BZW2: variants seen among roughly 807,000 people sequenced by gnomAD.
BZW2 encodes basic leucine zipper and W2 domains 2.
In BZW2, 23 loss-of-function variants were observed where a neutral mutation model predicts 53.2. The observed-to-expected ratio is 0.43, with a 90% CI of 0.31 to 0.61. The LOEUF is 0.61. BZW2 is among the 20% of genes least tolerant of loss of function. The pLI is 0.09. For missense variants in BZW2, 409 were observed against 503.1 expected (o/e 0.81, Z 1.79); for synonymous variants, 227 against 186.4 (o/e 1.22, Z -1.77).
chr7:16,661,415 G>C (rs1198757289), intron 1 of BZW2: 1 of 152,134 alleles, frequency 6.6e-6, no homozygotes, highest in African/African-American at 2.4e-5. Context: ...CTGTGCCAGT[G>C]TGGCTCATTG....
At chr7:16,685,010 A>G (rs562336500) in intron 5 of BZW2, among the ~76,000 whole-genome samples, 78 of 152,290 alleles carry the variant, frequency 5.1e-4, no homozygotes, top group African/African-American at 1.8e-3. Context: ...ATAATGGAAA[A>G]TCAGCAAGGC....
intron 1 of BZW2, among the ~76,000 whole-genome samples, chr7:16,661,760 A>T (rs1165193788): frequency 6.6e-5 from 10 of 152,038 alleles, no homozygotes; most frequent in Middle Eastern, 3.2e-3. Flanking sequence ...TACAATTTTA[A>T]TATTATTTTA....
Position 16,675,112 on chromosome 7 carries a change from A to G in BZW2, c.235+524A>G, listed in dbSNP as rs73679831. Among the ~76,000 whole-genome samples the G allele has an allele frequency of 2.5e-3, 378 of 152,368 alleles. 2 individuals carry two copies. The highest frequency in any genetic ancestry group is 8.6e-3 in the African/African-American group (356 of 41,592). On this transcript the variant is annotated intron_variant, in intron 3 of 11. Coordinates refer to ENST00000258761, the MANE Select transcript of BZW2 (RefSeq NM_014038.3). ...AAACAAAATAAAAGCTATACCTTAT[A>G]GAACAGAGGCATCAGGAAAGTAGGC...
chr7:16,659,349 TA>T (rs1236887807), intron 1 of BZW2, among the ~76,000 whole-genome samples: 2 of 152,218 alleles, frequency 1.3e-5, no homozygotes, highest in African/African-American at 4.8e-5. Context: ...CAGAGGCTGT[TA>T]CAAAATCATG....
intron 7 of BZW2, 143 bp downstream of exon 7, chr7:16,690,049 T>A: frequency 2.1e-6 from 1 of 469,546 alleles, no homozygotes; most frequent in Non-Finnish European, 3.7e-6. Context: ...TAATTGGTAG[T>A]AGAAGCTAAT....
chr7:16,675,688 A>G (rs1434385627), intron 3 of BZW2, among the ~76,000 whole-genome samples: 1 of 152,206 alleles, frequency 6.6e-6, no homozygotes, highest in Non-Finnish European at 1.5e-5. Context: ...TATGACTGTA[A>G]ATAATTCAAG....
intron 10 of BZW2, among the ~76,000 whole-genome samples, chr7:16,699,313 C>A (rs1263432607): frequency 6.6e-6 from 1 of 152,110 alleles, no homozygotes; most frequent in African/African-American, 2.4e-5. Context: ...TAAAACTAGG[C>A]CCCACCCAAT....
chr7:16,680,214 C>G (rs990365455), intron 3 of BZW2, among the ~76,000 whole-genome samples: 2 of 152,044 alleles, frequency 1.3e-5, no homozygotes, highest in Non-Finnish European at 2.9e-5. Flanking sequence ...AGTTGGTGAT[C>G]TAGGTAGAGT....
intron 2 of BZW2, 60 bp downstream of exon 2, chr7:16,665,561 G>A: frequency 6.3e-7 from 1 of 1,584,300 alleles, no homozygotes. Flanking sequence ...TAAGATTGGA[G>A]AAGAATCTGA....
At chr7:16,679,042 A>T (rs1333990130) in intron 3 of BZW2, among the ~76,000 whole-genome samples, 1 of 152,194 alleles carries the variant, frequency 6.6e-6, no homozygotes, top group Non-Finnish European at 1.5e-5. Flanking sequence ...ACACACTGTC[A>T]TTGATAAATA....
chr7:16,681,365 A>C lies in BZW2; in HGVS notation c.300A>C (p.Ser100=). 1.2e-6 allele frequency: 2 copies of C among 1,614,092 alleles called. No individual in the cohort carries two copies. Among genetic ancestry groups the C allele is most frequent in the Non-Finnish European group, 1.7e-6 (2 of 1,179,952 alleles). ...AGATGACCAACCACTGTGTGTTTTCAGCAAATGAAGATCATGAAACCATCC... is the reference window on the plus strand; with the variant it reads ...AGATGACCAACCACTGTGTGTTTTCCGCAAATGAAGATCATGAAACCATCC... The part of the protein sequence containing the change: ...KTKMTNHCVF[S]ANEDHETIRN... The change falls in exon 4 of 12, where the codon TCA becomes TCC. Residue 100 remains serine, a synonymous_variant. Coordinates refer to ENST00000258761, the MANE Select transcript of BZW2 (RefSeq NM_014038.3).
intron 2 of BZW2, among the ~76,000 whole-genome samples, chr7:16,667,606 T>C (rs1369201209): frequency 6.6e-6 from 1 of 152,154 alleles, no homozygotes; most frequent in African/African-American, 2.4e-5. Flanking sequence ...TAATAGATCA[T>C]TTGGATCAGA....
intron 8 of BZW2, among the ~76,000 whole-genome samples, chr7:16,695,592 A>G (rs917923702): frequency 1.3e-5 from 2 of 152,366 alleles, no homozygotes; most frequent in South Asian, 2.1e-4. Context: ...TATACATGCT[A>G]TAGTTCACAA....
chr7:16,659,138 G>A (rs373317487), intron 1 of BZW2, among the ~76,000 whole-genome samples: 185 of 152,000 alleles, frequency 1.2e-3, no homozygotes, highest in South Asian at 2.5e-3. Context: ...CCTCAAAAAT[G>A]TATATATTTT....
chr7:16,668,889 T>G (rs1211249466), intron 2 of BZW2, among the ~76,000 whole-genome samples: 1 of 152,236 alleles, frequency 6.6e-6, no homozygotes, highest in East Asian at 1.9e-4. Flanking sequence ...TCCAAAGTAA[T>G]TATGTTTTTT....
chr7:16,674,196 G>A (rs111691928), intron 2 of BZW2, among the ~76,000 whole-genome samples: 1,714 of 152,256 alleles, frequency 0.011, 32 homozygotes, highest in African/African-American at 0.04. Context: ...CACCGCGCCC[G>A]GCCTACAGTA....
intron 11 of BZW2, 87 bp downstream of exon 11, chr7:16,704,756 GA>G: frequency 7.6e-7 from 1 of 1,312,954 alleles, no homozygotes. Flanking sequence ...GATTTTACTT[GA>G]TTTTCTAAAA....
At chr7:16,704,847 A>T (rs1156378650) in intron 11 of BZW2, among the ~76,000 whole-genome samples, 178 bp downstream of exon 11, 1 of 152,236 alleles carries the variant, frequency 6.6e-6, no homozygotes, top group African/African-American at 2.4e-5. Flanking sequence ...GGCAATAAAA[A>T]TCTCTACATG....
In BZW2 at chr7:16,706,167, C is replaced by T. The variant is rs1783849591; in HGVS notation, c.*79C>T. ...ATGCTGAACCATTTGAGAAGAGAAA[C>T]TTGGCTTCTGTTTTCGCAAAGGAAA... is the stretch of plus-strand genomic sequence containing the variant. On this transcript the variant is annotated 3_prime_UTR_variant, in exon 12 of 12. Coordinates refer to ENST00000258761, the MANE Select transcript of BZW2 (RefSeq NM_014038.3). The T allele has an allele frequency of 6.7e-7, 1 of 1,486,994 alleles. No homozygotes were observed. Among genetic ancestry groups the T allele is most frequent in the Non-Finnish European group, 9.2e-7 (1 of 1,083,628 alleles). The allele number at this position is 1,486,994 out of a possible 1,614,324, so 92.1% of individuals were successfully genotyped here. A position where few individuals can be genotyped will look rare whatever the true frequency, so the allele number is the denominator to read the frequency against.
Sources: allele counts gnomAD v4.1 joint callset (sites outside exome capture counted in the v4.1 genomes callset), GRCh38; gene constraint gnomAD v4.1.1; transcripts MANE v1.5; gene names NCBI Gene and HGNC (gene_info 2026-07-23, HGNC 2026-07-21).